Variants in OSTF1 observed in about 807,000 individuals in gnomAD.
The protein encoded by OSTF1 is osteoclast stimulating factor 1, also known as osteoclast-stimulating factor 1.
A neutral mutation model predicts 37.2 loss-of-function variants in OSTF1; 27 were observed. The ratio of observed to expected loss-of-function variants is 0.73; its 90% confidence interval spans 0.54 to 1.00. The LOEUF is 1.00. Among genes scored for constraint, OSTF1 ranks in the 50% least tolerant of loss-of-function variants. The pLI is 0.00. For synonymous variants in OSTF1, 82 were observed against 89.2 expected (o/e 0.92, Z 0.46); for missense variants, 232 against 253.8 (o/e 0.91, Z 0.58).
At chr9:75,091,857 C>T (rs1289466381) in intron 1 of OSTF1, among the ~76,000 whole-genome samples, 2 of 152,128 alleles carry the variant, frequency 1.3e-5, no homozygotes, top group African/African-American at 4.8e-5. Flanking sequence ...AGAAAAATCT[C>T]AAGATTCATA....
At chr9:75,124,992 A>T (rs931872111) in intron 2 of OSTF1, among the ~76,000 whole-genome samples, 1 of 152,180 alleles carries the variant, frequency 6.6e-6, no homozygotes, top group Admixed American at 6.5e-5. Context: ...ACAGCCCAGG[A>T]CGGCTCATAG....
chr9:75,120,375 T>C (rs1235707331), intron 2 of OSTF1, among the ~76,000 whole-genome samples: 1 of 152,058 alleles, frequency 6.6e-6, no homozygotes, highest in Non-Finnish European at 1.5e-5. Flanking sequence ...TTATCAGTTG[T>C]GTCCTGATTG....
At chr9:75,107,019 A>C (rs1587445854) in intron 1 of OSTF1, among the ~76,000 whole-genome samples, 1 of 149,410 alleles carries the variant, frequency 6.7e-6, no homozygotes, top group South Asian at 2.1e-4. Context: ...GCTTTTGTGG[A>C]ATGACGCCAA....
chr9:75,089,754 G>A (rs533511756), intron 1 of OSTF1, among the ~76,000 whole-genome samples: 1 of 152,326 alleles, frequency 6.6e-6, no homozygotes, highest in East Asian at 1.9e-4. Context: ...ATCCATTTAC[G>A]TCAAATTTTG....
chr9:75,115,309 T>C (rs1488478789), intron 1 of OSTF1, among the ~76,000 whole-genome samples: 3 of 152,172 alleles, frequency 2.0e-5, no homozygotes, highest in Non-Finnish European at 4.4e-5. Flanking sequence ...TATATTATTT[T>C]GAGGCAGAGT....
At chr9:75,145,471 G>A (rs949399487) in intron 9 of OSTF1, among the ~76,000 whole-genome samples, 8 of 152,100 alleles carry the variant, frequency 5.3e-5, no homozygotes, top group Admixed American at 2.6e-4. Context: ...ATTGATGATC[G>A]TTGCCTAGAT....
At chr9:75,099,348 C>T (rs1256644646) in intron 1 of OSTF1, among the ~76,000 whole-genome samples, 1 of 151,860 alleles carries the variant, frequency 6.6e-6, no homozygotes, top group Non-Finnish European at 1.5e-5. Context: ...ACCTCCTGGG[C>T]TCAAGTGACC....
At chr9:75,117,839 ATCTT>A (rs1825516795) in intron 2 of OSTF1, among the ~76,000 whole-genome samples, 1 of 152,212 alleles carries the variant, frequency 6.6e-6, no homozygotes, top group South Asian at 2.1e-4. Flanking sequence ...TGTCTTAGTC[ATCTT>A]TCTTCTGAAT....
intron 1 of OSTF1, among the ~76,000 whole-genome samples, chr9:75,102,461 A>G (rs901427740): frequency 6.6e-6 from 1 of 152,230 alleles, no homozygotes; most frequent in Non-Finnish European, 1.5e-5. Context: ...ATCAGAGTGA[A>G]TCACTCAAAG....
intron 1 of OSTF1, among the ~76,000 whole-genome samples, chr9:75,117,072 T>C (rs981715955): frequency 6.6e-6 from 1 of 152,226 alleles, no homozygotes. Context: ...TTTTAAAATT[T>C]ATTTTATGAT....
rs7849309 is a variant in OSTF1, at chr9:75,138,827, A to G, written c.487+1211A>G. Among the ~76,000 whole-genome samples, 316 of 152,188 alleles carry G rather than the reference A, an allele frequency of 2.1e-3. 2 individuals are homozygous for G. Among genetic ancestry groups the G allele is most frequent in the African/African-American group, 7.2e-3 (300 of 41,516 alleles). On this transcript the variant is annotated intron_variant, in intron 8 of 9. Transcript: ENST00000346234. The stretch of plus-strand genomic sequence containing the variant: ...TATGAGCTCTAAAGTATAATATAGT[A>G]TATGATTAGTCACAGAACTGTTAAC...
intron 3 of OSTF1, 146 bp from the exon 4 acceptor site, chr9:75,130,432 C>CA (rs1363265144): frequency 8.2e-6 from 5 of 611,670 alleles, no homozygotes; most frequent in Non-Finnish European, 1.2e-5. Flanking sequence ...CGGACACCCA[C>CA]AGCTAGGGCG....
Position 75,130,586 on chromosome 9 carries a change from C to A in OSTF1, c.141C>A (p.Thr47=). The part of the protein sequence containing the change: ...DIIYITDMSD[T]NWWKGTSKGR... ...AACTCTTCTTTTACCAGAGCGATACCAATTGGTGGAAAGGCACCTCCAAAG... is the reference window on the plus strand; with the variant it reads ...AACTCTTCTTTTACCAGAGCGATACAAATTGGTGGAAAGGCACCTCCAAAG... The change falls in exon 4 of 10, where the codon ACC becomes ACA. Residue 47 remains threonine, a synonymous_variant. Transcript: ENST00000346234. The A allele has an allele frequency of 6.2e-7, 1 of 1,606,408 alleles. No homozygotes were observed.
At chr9:75,091,586 G>A (rs1025834024) in intron 1 of OSTF1, among the ~76,000 whole-genome samples, 1 of 152,180 alleles carries the variant, frequency 6.6e-6, no homozygotes, top group African/African-American at 2.4e-5. Flanking sequence ...CAAGCTGCAT[G>A]GATAAAAATC....
chr9:75,094,676 G>A (rs1224035968), intron 1 of OSTF1, among the ~76,000 whole-genome samples: 1 of 151,722 alleles, frequency 6.6e-6, no homozygotes. Flanking sequence ...AAAAAAAAAT[G>A]ATACAGGGAC....
At chr9:75,140,485 C>T (rs1825923796) in intron 8 of OSTF1, among the ~76,000 whole-genome samples, 1 of 152,156 alleles carries the variant, frequency 6.6e-6, no homozygotes, top group Non-Finnish European at 1.5e-5. Flanking sequence ...CAAGCACTAT[C>T]CACTTGGTCT....
intron 2 of OSTF1, among the ~76,000 whole-genome samples, chr9:75,125,486 A>G (rs1310611277): frequency 6.6e-6 from 1 of 152,236 alleles, no homozygotes; most frequent in Non-Finnish European, 1.5e-5. Flanking sequence ...GTAAAAACTT[A>G]TTTCAAATAA....
At chr9:75,099,546 G>A (rs2118409214) in intron 1 of OSTF1, among the ~76,000 whole-genome samples, 1 of 152,268 alleles carries the variant, frequency 6.6e-6, no homozygotes, top group East Asian at 1.9e-4. Context: ...GTTGGGATTG[G>A]GCTGGGTGTG....
chr9:75,100,410 C>T (rs1316264656), intron 1 of OSTF1, among the ~76,000 whole-genome samples: 1 of 152,072 alleles, frequency 6.6e-6, no homozygotes, highest in Non-Finnish European at 1.5e-5. Flanking sequence ...GGGCATCCAT[C>T]AGTGAAAAAG....
Sources: allele counts gnomAD v4.1 joint callset (sites outside exome capture counted in the v4.1 genomes callset), GRCh38; gene constraint gnomAD v4.1.1; transcripts MANE v1.5; gene names NCBI Gene and HGNC (gene_info 2026-07-23, HGNC 2026-07-21).